SLC2A13: variants seen among roughly 807,000 people sequenced by gnomAD.
SLC2A13 encodes the protein proton myo-inositol cotransporter.
SLC2A13 carries 32 observed loss-of-function variants against 64.4 expected under a neutral mutation model. The observed-to-expected ratio is 0.50, with a 90% CI of 0.37 to 0.67. The LOEUF (loss-of-function observed/expected upper bound fraction) is 0.67, where lower values mean the gene tolerates loss of function less well. Ranked by LOEUF, SLC2A13 falls within the 30% of genes least tolerant of loss-of-function variation. The pLI is 0.00. For missense variants in SLC2A13, 743 were observed against 829.2 expected, an observed-to-expected ratio of 0.90 and a Z score of 1.28; for synonymous variants, 338 against 327.1, an observed-to-expected ratio of 1.03 and a Z score of -0.36.
intron 3 of SLC2A13, among the ~76,000 whole-genome samples, chr12:39,994,612 G>C (rs1281456923): frequency 6.6e-6 from 1 of 152,112 alleles, no homozygotes; most frequent in African/African-American, 2.4e-5. Flanking sequence ...TGTGCATATA[G>C]TTTTATGCAC....
At chr12:40,063,935 A>C (rs1948467432) in intron 1 of SLC2A13, among the ~76,000 whole-genome samples, 1 of 152,140 alleles carries the variant, frequency 6.6e-6, no homozygotes, top group Non-Finnish European at 1.5e-5. Flanking sequence ...ACCAATTATA[A>C]ATATCATTTA....
intron 6 of SLC2A13, among the ~76,000 whole-genome samples, chr12:39,852,542 C>T (rs1319989364): frequency 2.6e-5 from 4 of 152,170 alleles, no homozygotes; most frequent in Non-Finnish European, 5.9e-5. Flanking sequence ...TAGTACCAAT[C>T]ATTTTTTCTT....
chr12:39,811,329 T>C (rs980607493), intron 7 of SLC2A13, among the ~76,000 whole-genome samples: 2 of 152,026 alleles, frequency 1.3e-5, no homozygotes, highest in African/African-American at 2.4e-5. Flanking sequence ...ACTACCATTA[T>C]ATCTTTCCTT....
chr12:39,993,021 A>C (rs1415031814), intron 3 of SLC2A13, among the ~76,000 whole-genome samples: 1 of 152,232 alleles, frequency 6.6e-6, no homozygotes, highest in Admixed American at 6.5e-5. Context: ...ACATACATAT[A>C]CATGTAATAT....
At chr12:39,821,957 T>C (rs1037758511) in intron 7 of SLC2A13, among the ~76,000 whole-genome samples, 10 of 152,144 alleles carry the variant, frequency 6.6e-5, no homozygotes, top group Non-Finnish European at 1.5e-5. Context: ...TTAGGGTACA[T>C]GTGCACAATG....
Position 40,028,397 on chromosome 12 carries a change from T to C in SLC2A13, c.829A>G (p.Arg277Gly), listed in dbSNP as rs1947855616. The stretch of plus-strand genomic sequence containing the variant: ...TTACCACGCATCTGAGATAAAATTC[T>C]ACGGGCCTTCTGAGTCTGTCCTTTC... Reference protein sequence around the residue: ...IQKGQTQKARRILSQMRGNQT... With the variant: ...IQKGQTQKARGILSQMRGNQT... Residue 277 changes from arginine (R) to glycine (G), a missense_variant, in exon 3 of 10, where the codon AGA becomes GGA. Coordinates refer to ENST00000280871, the MANE Select transcript of SLC2A13 (RefSeq NM_052885.4). 6 of 1,614,156 alleles carry C rather than the reference T, an allele frequency of 3.7e-6. No homozygotes were observed. Among genetic ancestry groups the C allele is most frequent in the South Asian group, 1.1e-5 (1 of 91,082 alleles).
intron 4 of SLC2A13, among the ~76,000 whole-genome samples, chr12:39,899,389 T>C (rs1201202735): frequency 6.6e-6 from 1 of 152,154 alleles, no homozygotes; most frequent in African/African-American, 2.4e-5. Context: ...TTATTAGTCT[T>C]GCTAGCGGTC....
intron 4 of SLC2A13, among the ~76,000 whole-genome samples, chr12:39,907,183 A>G (rs999231538): frequency 6.6e-6 from 1 of 152,136 alleles, no homozygotes; most frequent in African/African-American, 2.4e-5. Context: ...AATCTTCTAA[A>G]TAAGAAAGCC....
At chr12:40,010,745 C>G (rs181372467) in intron 3 of SLC2A13, among the ~76,000 whole-genome samples, 1 of 152,226 alleles carries the variant, frequency 6.6e-6, no homozygotes, top group Admixed American at 6.5e-5. Context: ...CTTTAAATTT[C>G]TGTAATAGTT....
Position 39,848,429 on chromosome 12 carries a change from A to G in SLC2A13, c.1319+16333T>C, listed in dbSNP as rs555672747. On this transcript the variant is annotated intron_variant, in intron 6 of 9. Transcript: ENST00000280871. ...CCAAGGAGCATATGAAAAAAATTCC[A>G]TATCACTAATCATTAGAGAAATGCA... Among the ~76,000 whole-genome samples, 173 of 152,308 alleles carry G rather than the reference A, an allele frequency of 1.1e-3. 2 individuals are homozygous for G. Among genetic ancestry groups the G allele is most frequent in the African/African-American group, 3.7e-3 (155 of 41,578 alleles).
At position 39,756,211 on chromosome 12, in the gene SLC2A13, C is replaced by T. The variant is rs1368408230; in HGVS notation, c.*3815G>A. The T allele has an allele frequency of 6.6e-6, 1 of 151,952 alleles. No homozygotes were observed. The highest frequency in any genetic ancestry group is 6.6e-5 in the Admixed American group (1 of 15,202). 9.4% of individuals were successfully genotyped at this position (151,952 alleles called of 1,614,324 possible). A position where few individuals can be genotyped will look rare whatever the true frequency, so the allele number is the denominator to read the frequency against. ...TGAGCCTTCTTATTGGCAGCAGCTA[C>T]ATATGAGCTATAAATTTTAACCACA... is the stretch of plus-strand genomic sequence containing the variant. On this transcript the variant is annotated 3_prime_UTR_variant, in exon 10 of 10. Transcript: ENST00000280871.
intron 1 of SLC2A13, among the ~76,000 whole-genome samples, chr12:40,053,646 A>C (rs1346742388): frequency 1.3e-5 from 2 of 152,206 alleles, no homozygotes; most frequent in African/African-American, 2.4e-5. Flanking sequence ...ATCATGTTAA[A>C]GAGCTTGGAA....
chr12:39,857,117 C>G (rs1259653292), intron 6 of SLC2A13, among the ~76,000 whole-genome samples: 2 of 152,178 alleles, frequency 1.3e-5, no homozygotes, highest in African/African-American at 2.4e-5. Flanking sequence ...CATGGATTAT[C>G]AGAGATACAT....
intron 4 of SLC2A13, among the ~76,000 whole-genome samples, chr12:39,882,290 G>A (rs934541286): frequency 6.6e-6 from 1 of 152,122 alleles, no homozygotes; most frequent in Non-Finnish European, 1.5e-5. Flanking sequence ...AGTAGGTCTA[G>A]GACCAAGAAT....
At chr12:40,037,758 T>C (rs1299053159) in intron 2 of SLC2A13, among the ~76,000 whole-genome samples, 1 of 152,158 alleles carries the variant, frequency 6.6e-6, no homozygotes, top group Non-Finnish European at 1.5e-5. Flanking sequence ...CCATTTTTGG[T>C]AAGTTGTGAT....
At chr12:39,843,966 T>C (rs1248684860) in intron 6 of SLC2A13, among the ~76,000 whole-genome samples, 1 of 152,028 alleles carries the variant, frequency 6.6e-6, no homozygotes, top group Admixed American at 6.6e-5. Flanking sequence ...CTGATCATTA[T>C]ATTGGTGACA....
intron 1 of SLC2A13, among the ~76,000 whole-genome samples, chr12:40,086,915 C>T (rs535388056): frequency 3.3e-5 from 5 of 152,320 alleles, no homozygotes; most frequent in African/African-American, 1.2e-4. Flanking sequence ...ACATATTTTC[C>T]TCACCTAATC....
At chr12:39,852,687 C>CA (rs1337750724) in intron 6 of SLC2A13, among the ~76,000 whole-genome samples, 1 of 152,182 alleles carries the variant, frequency 6.6e-6, no homozygotes, top group African/African-American at 2.4e-5. Flanking sequence ...GCTCAAGGAA[C>CA]AAAAGGATCA....
At chr12:40,084,801 A>G (rs1157307535) in intron 1 of SLC2A13, among the ~76,000 whole-genome samples, 2 of 152,178 alleles carry the variant, frequency 1.3e-5, no homozygotes, top group Non-Finnish European at 2.9e-5. Flanking sequence ...CATGGCATAC[A>G]ACTCCTAAAA....
Sources: allele counts gnomAD v4.1 joint callset (sites outside exome capture counted in the v4.1 genomes callset), GRCh38; gene constraint gnomAD v4.1.1; transcripts MANE v1.5; gene names NCBI Gene and HGNC (gene_info 2026-07-23, HGNC 2026-07-21).